The following CEP112 variants were observed in gnomAD, a reference collection of about 807,000 sequenced individuals.
The protein encoded by CEP112 is centrosomal protein 112.
In CEP112, 127 loss-of-function variants were observed where a neutral mutation model predicts 153.0. That is an observed-to-expected ratio of 0.83 (90% CI 0.72 to 0.96). The LOEUF (loss-of-function observed/expected upper bound fraction) is 0.96. CEP112 is among the 40% of genes least tolerant of loss of function. The probability of loss-of-function intolerance (pLI) is 0.00; values close to 1 mark genes in which losing one functional copy is unlikely to be tolerated. For missense variants in CEP112, 1,089 were observed against 1,101.2 expected, an observed-to-expected ratio of 0.99 and a Z score of 0.16; for synonymous variants, 358 against 374.4, an observed-to-expected ratio of 0.96 and a Z score of 0.51.
chr17:66,135,140 A>G (rs554614504), intron 4 of CEP112, among the ~76,000 whole-genome samples: 1 of 152,304 alleles, frequency 6.6e-6, no homozygotes, highest in East Asian at 1.9e-4. Flanking sequence ...TAAACTTACT[A>G]TGTTACCCCT....
At chr17:65,936,302 ACAAAGAGAAGCTT>A (rs1456771362) in intron 18 of CEP112, among the ~76,000 whole-genome samples, 2 of 150,892 alleles carry the variant, frequency 1.3e-5, no homozygotes, top group Non-Finnish European at 3.0e-5. Flanking sequence ...AAGCTTCTCA[ACAAAGAGAAGCTT>A]CAGCTCACTG....
intron 18 of CEP112, among the ~76,000 whole-genome samples, chr17:65,957,657 A>C (rs1026231173): frequency 1.3e-5 from 2 of 152,104 alleles, no homozygotes; most frequent in African/African-American, 4.8e-5. Context: ...TACTAGAAAA[A>C]TTTAACCTAT....
intron 25 of CEP112, among the ~76,000 whole-genome samples, chr17:65,639,974 A>G (rs190256864): frequency 0.14 from 20,461 of 147,012 alleles, 1,824 homozygotes; most frequent in East Asian, 0.49. Flanking sequence ...AGTAGCTGGG[A>G]TAACAGGCAT....
At chr17:65,655,273 TG>T in intron 24 of CEP112, 2 of 1,194,396 alleles carry the variant, frequency 1.7e-6, no homozygotes, top group South Asian at 2.4e-5. Context: ...AGACTGCCTT[TG>T]TTGGGTGCAG....
In CEP112 at chr17:65,678,195, T is replaced by A. The variant is rs139086200; in HGVS notation, c.2697+10934A>T. ...ATCTCTACTTTCTCTTTCTACCTGT[T>A]CACTGAATTCTATGAATTCAGTGCT... is the stretch of plus-strand genomic sequence containing the variant. On this transcript the variant is annotated intron_variant, in intron 24 of 26. Coordinates refer to ENST00000535342, the MANE Select transcript of CEP112 (RefSeq NM_001199165.4). Among the ~76,000 whole-genome samples the A allele has an allele frequency of 5.2e-3, 786 of 151,826 alleles. 8 individuals carry two copies. The highest frequency in any genetic ancestry group is 5.9e-3 in the Non-Finnish European group (400 of 67,902).
intron 1 of CEP112, among the ~76,000 whole-genome samples, chr17:66,186,862 A>C (rs1216429052): frequency 6.6e-6 from 1 of 152,156 alleles, no homozygotes; most frequent in Non-Finnish European, 1.5e-5. Flanking sequence ...AAAAATCATA[A>C]ATCTTGCTTC....
At chr17:65,666,919 G>A (rs781390575) in intron 24 of CEP112, among the ~76,000 whole-genome samples, 1 of 152,164 alleles carries the variant, frequency 6.6e-6, no homozygotes, top group Non-Finnish European at 1.5e-5. Context: ...GAAACACAAT[G>A]AGTAATTCCT....
chr17:66,012,798 T>G (rs982155613), intron 16 of CEP112, among the ~76,000 whole-genome samples: 1 of 152,226 alleles, frequency 6.6e-6, no homozygotes, highest in Non-Finnish European at 1.5e-5. Flanking sequence ...GAAATTTTTA[T>G]GAATGATAAC....
At chr17:66,157,173 G>A (rs941841977) in intron 4 of CEP112, among the ~76,000 whole-genome samples, 4 of 152,264 alleles carry the variant, frequency 2.6e-5, no homozygotes, top group South Asian at 2.1e-4. Context: ...GACTAACATC[G>A]GATCTCTTGG....
chr17:66,132,518 C>T (rs2146545105), intron 5 of CEP112, 152 bp downstream of exon 5: 1 of 649,532 alleles, frequency 1.5e-6, no homozygotes, highest in Non-Finnish European at 2.7e-6. Flanking sequence ...CCAAACACCC[C>T]ACCTTCTTTA....
At chr17:65,753,468 T>C (rs1280832794) in intron 21 of CEP112, among the ~76,000 whole-genome samples, 1 of 152,216 alleles carries the variant, frequency 6.6e-6, no homozygotes, top group Non-Finnish European at 1.5e-5. Flanking sequence ...TAAATCTCTT[T>C]GTATCTATAA....
At position 66,069,964 on chromosome 17, in the gene CEP112, T is replaced by C. The variant is rs758172213; in HGVS notation, c.806A>G (p.His269Arg). The change falls in exon 9 of 27, where the codon CAT (histidine) becomes CGT (arginine). Residue 269 changes from histidine to arginine, a missense_variant. By Grantham distance (29) the His-to-Arg change is conservative. Transcript: ENST00000535342. ...MKTKMMEAKF[H>R]EEKLKLQQKH... ...CTGTTGCAGTTTAAGCTTTTCTTCA[T>C]GAAATTTAGCTTCCATCATTTTTGT... 2.5e-6 allele frequency: 4 copies of C among 1,607,904 alleles called. No homozygotes were observed. Among genetic ancestry groups the C allele is most frequent in the East Asian group, 2.2e-5 (1 of 44,588 alleles).
chr17:66,128,712 A>G (rs1465028355), intron 6 of CEP112, among the ~76,000 whole-genome samples: 1 of 152,218 alleles, frequency 6.6e-6, no homozygotes, highest in Non-Finnish European at 1.5e-5. Flanking sequence ...ACAAACTGGG[A>G]GCAATTCAGA....
intron 8 of CEP112, among the ~76,000 whole-genome samples, chr17:66,072,244 T>A (rs541318902): frequency 1.3e-5 from 2 of 152,284 alleles, no homozygotes; most frequent in South Asian, 4.1e-4. Context: ...AAGAACACTG[T>A]CTTTGATAAC....
chr17:66,153,607 C>A (rs2071302311), intron 4 of CEP112, among the ~76,000 whole-genome samples: 1 of 152,052 alleles, frequency 6.6e-6, no homozygotes, highest in Non-Finnish European at 1.5e-5. Flanking sequence ...CGCACACATG[C>A]ACACATCACA....
chr17:65,933,459 A>AGGGAGTTGTAACATGGCT (rs1352249989), intron 18 of CEP112, among the ~76,000 whole-genome samples: 22 of 152,224 alleles, frequency 1.4e-4, no homozygotes, highest in African/African-American at 5.3e-4. Flanking sequence ...ATCACATACA[A>AGGGAGTTGTAACATGGCT]GGGAGTTGTA....
At position 66,129,763 on chromosome 17, in the gene CEP112, T is replaced by C. The variant is rs2070041626; in HGVS notation, c.625A>G (p.Asn209Asp). The stretch of plus-strand genomic sequence containing the variant: ...TTTTTTACCCCAAGATTCCAACTAT[T>C]AAGGCGAGCTTCAATGTCACTATCA... ...LDDSDIEARL[N>D]SWNLGIENPR... Residue 209 changes from asparagine to aspartate, a missense_variant, in exon 6 of 27, where the codon AAT becomes GAT. Physicochemically the swap from Asn to Asp is conservative, Grantham distance 23. Transcript: ENST00000535342. The C allele has an allele frequency of 6.2e-7, 1 of 1,611,720 alleles. No homozygotes were observed. Among genetic ancestry groups the C allele is most frequent in the Non-Finnish European group, 8.5e-7 (1 of 1,178,870 alleles).
At chr17:65,970,848 G>A (rs67637692) in intron 17 of CEP112, among the ~76,000 whole-genome samples, 3 of 136,612 alleles carry the variant, frequency 2.2e-5, no homozygotes, top group African/African-American at 8.0e-5. Flanking sequence ...ACATGCATAT[G>A]TCATGTATAT....
intron 6 of CEP112, among the ~76,000 whole-genome samples, chr17:66,100,409 G>C (rs1248564136): frequency 6.8e-5 from 8 of 118,400 alleles, no homozygotes; most frequent in African/African-American, 2.5e-4. Flanking sequence ...TCAAAAAACA[G>C]AAAAAAAAAA....
Sources: gnomAD v4.1 joint callset for allele counts (sites outside exome capture counted in the v4.1 genomes callset) on GRCh38, gnomAD v4.1.1 for gene constraint, MANE v1.5 for transcripts, NCBI Gene and HGNC (gene_info 2026-07-23, HGNC 2026-07-21) for gene names.